The following TRIM66 variants were observed in gnomAD, a reference collection of about 807,000 sequenced individuals.
TRIM66 encodes the protein tripartite motif containing 66.
TRIM66 carries 99 observed loss-of-function variants against 148.2 expected under a neutral mutation model. The ratio of observed to expected loss-of-function variants is 0.67; its 90% confidence interval spans 0.57 to 0.79. The LOEUF is 0.79. Ranked by LOEUF, TRIM66 falls within the 30% of genes least tolerant of loss-of-function variation. TRIM66 has a pLI of 0.00. For synonymous variants in TRIM66, 616 were observed against 635.9 expected (o/e 0.97, Z 0.47); for missense variants, 1,666 against 1,697.9 (o/e 0.98, Z 0.33).
chr11:8,664,123 A>G (rs1276491668), intron 6 of TRIM66, among the ~76,000 whole-genome samples: 1 of 152,186 alleles, frequency 6.6e-6, no homozygotes, highest in Non-Finnish European at 1.5e-5. Context: ...AAGAGAGTAG[A>G]TGTAAAGTGT....
intron 6 of TRIM66, among the ~76,000 whole-genome samples, chr11:8,659,380 A>T (rs2038088134): frequency 2.0e-5 from 3 of 152,178 alleles, no homozygotes; most frequent in African/African-American, 7.2e-5. Flanking sequence ...AATGGAAAAA[A>T]GCAAAAGAAG....
chr11:8,648,663 G>C (rs760031632), intron 8 of TRIM66, 115 bp from the exon 9 acceptor site: 3 of 1,286,946 alleles, frequency 2.3e-6, no homozygotes, highest in African/African-American at 1.5e-5. Context: ...TACAGAGCTC[G>C]GGGGAAGTGT....
intron 6 of TRIM66, among the ~76,000 whole-genome samples, chr11:8,659,522 T>C (rs572596655): frequency 1.3e-5 from 2 of 152,134 alleles, no homozygotes; most frequent in African/African-American, 2.4e-5. Flanking sequence ...AAGAGAGCAG[T>C]GGCCAAATCT....
chr11:8,627,436 T>C (rs1478314189), intron 15 of TRIM66, among the ~76,000 whole-genome samples: 3 of 152,234 alleles, frequency 2.0e-5, no homozygotes, highest in African/African-American at 7.2e-5. Context: ...GTTTTACATA[T>C]ATTACTTTAT....
chr11:8,624,240 A>C (rs960514291), intron 17 of TRIM66, 119 bp downstream of exon 17: 1 of 1,152,860 alleles, frequency 8.7e-7, no homozygotes, highest in Admixed American at 2.9e-5. Context: ...ATTCAGCCTC[A>C]GAGAGATGCA....
At chr11:8,662,207 C>T (rs200121641) in intron 6 of TRIM66, among the ~76,000 whole-genome samples, 1 of 152,202 alleles carries the variant, frequency 6.6e-6, no homozygotes, top group South Asian at 2.1e-4. Context: ...GGACACACTG[C>T]AGCACCTGGA....
chr11:8,639,966 T>C (rs1172660554), intron 14 of TRIM66, among the ~76,000 whole-genome samples: 1 of 152,090 alleles, frequency 6.6e-6, no homozygotes, highest in Non-Finnish European at 1.5e-5. Context: ...CCTACTGTCA[T>C]CCAGGAAGAC....
chr11:8,662,025 T>C (rs962358759), intron 6 of TRIM66, among the ~76,000 whole-genome samples: 5 of 152,120 alleles, frequency 3.3e-5, no homozygotes, highest in African/African-American at 1.2e-4. Flanking sequence ...CCAGTGCTAT[T>C]CCCAGGGCCC....
chr11:8,641,882 T>C (rs1383515980), intron 13 of TRIM66, among the ~76,000 whole-genome samples: 2 of 152,178 alleles, frequency 1.3e-5, no homozygotes, highest in Non-Finnish European at 2.9e-5. Context: ...GTCCATGTGA[T>C]GTGCGTCTTC....
chr11:8,674,982 T>C (rs1289954527), intron 3 of TRIM66, 99 bp from the exon 4 acceptor site: 1 of 152,244 alleles, frequency 6.6e-6, no homozygotes, highest in Non-Finnish European at 1.5e-5. Flanking sequence ...TTCTTAAATG[T>C]TATTTATAAG....
intron 1 of TRIM66, among the ~76,000 whole-genome samples, chr11:8,681,370 T>TC (rs1266848412): frequency 2.6e-5 from 4 of 152,084 alleles, no homozygotes; most frequent in Non-Finnish European, 5.9e-5. Flanking sequence ...CCTGACCTCG[T>TC]GATCCGCCCG....
At position 8,639,714 on chromosome 11, in the gene TRIM66, C is replaced by T. The variant is rs151164601; in HGVS notation, c.2148+513G>A. 2.0e-5 allele frequency among the ~76,000 whole-genome samples: 3 copies of T among 152,290 alleles called. No homozygotes were observed. The East Asian group carries it at 5.8e-4, about 29-fold the overall frequency. ...AATGATATGGTGCATATAAAACATA[C>T]CCAGCTTAGTAGAAGTAAAAAAGTT... On this transcript the variant is annotated intron_variant, in intron 14 of 24. Coordinates refer to ENST00000646038, the MANE Select transcript of TRIM66 (RefSeq NM_001388022.1).
intron 3 of TRIM66, chr11:8,679,030 G>A (rs973228470): frequency 2.6e-5 from 4 of 152,252 alleles, no homozygotes; most frequent in Admixed American, 2.0e-4. Flanking sequence ...ATGTCACAAA[G>A]CCATGCTGTA....
intron 18 of TRIM66, 27 bp downstream of exon 18, chr11:8,622,789 G>C: frequency 1.3e-6 from 2 of 1,547,344 alleles, no homozygotes; most frequent in Non-Finnish European, 1.7e-6. Context: ...TCATGGGTGG[G>C]AGGGAGATTA....
chr11:8,679,977 G>C lies in TRIM66; in HGVS notation c.-461C>G, dbSNP rs1406678904. 1 of 152,326 alleles carries C rather than the reference G, an allele frequency of 6.6e-6. No individual in the cohort carries two copies. The highest frequency in any genetic ancestry group is 1.5e-5 in the Non-Finnish European group (1 of 68,120). The allele number at this position is 152,326 out of a possible 1,614,324, so 9.4% of individuals were successfully genotyped here. A position where few individuals can be genotyped will look rare whatever the true frequency, so the allele number is the denominator to read the frequency against. On this transcript the variant is annotated 5_prime_UTR_variant, in exon 2 of 25. Coordinates refer to ENST00000646038, the MANE Select transcript of TRIM66 (RefSeq NM_001388022.1). ...TTTTCACACACGTAAAATGAGGCTG[G>C]TAGTGCTGTACCTTCAGGCAGATGT...
chr11:8,674,625 G>A (rs968325978), intron 4 of TRIM66, among the ~76,000 whole-genome samples, 181 bp downstream of exon 4: 11 of 151,938 alleles, frequency 7.2e-5, no homozygotes, highest in Non-Finnish European at 1.6e-4. Flanking sequence ...GGACTCAAGC[G>A]ATCCTCCATT....
intron 15 of TRIM66, among the ~76,000 whole-genome samples, chr11:8,631,625 T>C (rs1475322621): frequency 6.6e-6 from 1 of 152,212 alleles, no homozygotes; most frequent in African/African-American, 2.4e-5. Context: ...CCTCATACCG[T>C]GGCACTTTTC....
rs1407054459 is a variant in TRIM66, at chr11:8,640,497, A to G, written c.1878T>C (p.Pro626=). 3 of 1,212,314 alleles carry G rather than the reference A, an allele frequency of 2.5e-6. No individual in the cohort carries two copies. The highest frequency in any genetic ancestry group is 3.2e-6 in the Non-Finnish European group (3 of 950,732). 75.1% of individuals were successfully genotyped at this position (1,212,314 alleles called of 1,614,324 possible). A position where few individuals can be genotyped will look rare whatever the true frequency, so the allele number is the denominator to read the frequency against. ...LPPPPQQPHP[P]LPPSQHLASS... is the part of the protein sequence containing the mutation. ...AAGCCAGATGCTGGGATGGAGGAAG[A>G]GGTGGGTGTGGCTGCTGTGGGGGAG... The change falls in exon 14 of 25, where the codon CCT becomes CCC. Residue 626 remains proline (P), a synonymous_variant. Coordinates refer to ENST00000646038, the MANE Select transcript of TRIM66 (RefSeq NM_001388022.1).
At chr11:8,671,672 T>C (rs1444395550) in intron 6 of TRIM66, 114 bp downstream of exon 6, 1 of 621,300 alleles carries the variant, frequency 1.6e-6, no homozygotes, top group African/African-American at 1.8e-5. Context: ...CAGCAATGAG[T>C]GTCCCTTGGG....
Sources: allele counts gnomAD v4.1 joint callset (sites outside exome capture counted in the v4.1 genomes callset), GRCh38; gene constraint gnomAD v4.1.1; transcripts MANE v1.5; gene names NCBI Gene and HGNC (gene_info 2026-07-23, HGNC 2026-07-21).